The following KIAA1217 variants were observed in gnomAD, a reference collection of about 807,000 sequenced individuals.
KIAA1217 encodes KIAA1217, also known as sickle tail protein homolog.
KIAA1217 carries 88 observed loss-of-function variants against 163.9 expected under a neutral mutation model. That is an observed-to-expected ratio of 0.54 (90% CI 0.45 to 0.64). KIAA1217 has a LOEUF of 0.64. KIAA1217 is among the 30% of genes least tolerant of loss of function. The probability of loss-of-function intolerance (pLI) is 0.00; values close to 1 mark genes in which losing one functional copy is unlikely to be tolerated. For synonymous variants in KIAA1217, 903 were observed against 923.1 expected (o/e 0.98, Z 0.39); for missense variants, 2,372 against 2,475.0 (o/e 0.96, Z 0.88).
intron 2 of KIAA1217, among the ~76,000 whole-genome samples, chr10:24,256,046 C>CAAAAA (rs11358712): frequency 1.3e-5 from 1 of 79,102 alleles, no homozygotes; most frequent in Non-Finnish European, 2.3e-5. Context: ...CTCAGATGAC[C>CAAAAA]AAAAAAAAAA....
In KIAA1217 at chr10:23,831,357, G is replaced by T. The variant is rs112352623; in HGVS notation, c.-321+136123G>T. Among the ~76,000 whole-genome samples the T allele has an allele frequency of 5.2e-3, 788 of 151,878 alleles. 10 individuals carry two copies. The highest frequency in any genetic ancestry group is 0.017 in the African/African-American group (711 of 41,448). On this transcript the variant is annotated intron_variant, in intron 1 of 18. Transcript: ENST00000376462. ...AAGAGTAAAAAGATGGCCTATGGATGGGGAGAAAATATTGGCAAATGAACC... is the reference window on the plus strand; with the variant it reads ...AAGAGTAAAAAGATGGCCTATGGATTGGGAGAAAATATTGGCAAATGAACC...
intron 1 of KIAA1217, among the ~76,000 whole-genome samples, chr10:23,796,340 CTTATTTAT>C (rs34347212): frequency 1.3e-3 from 200 of 148,482 alleles, no homozygotes; most frequent in Non-Finnish European, 2.1e-3. Context: ...CGAGAGACTG[CTTATTTAT>C]TTATTTATTT....
chr10:24,058,493 T>C (rs961168505), intron 2 of KIAA1217, among the ~76,000 whole-genome samples: 1 of 152,196 alleles, frequency 6.6e-6, no homozygotes, highest in Admixed American at 6.5e-5. Context: ...GTATGAACAC[T>C]TTAACAATAT....
At chr10:24,061,627 C>A (rs2060725744) in intron 2 of KIAA1217, among the ~76,000 whole-genome samples, 1 of 152,176 alleles carries the variant, frequency 6.6e-6, no homozygotes, top group South Asian at 2.1e-4. Flanking sequence ...ATCTCTTCTA[C>A]ATTTTTGAAG....
chr10:24,221,548 C>T (rs189940945), intron 2 of KIAA1217, among the ~76,000 whole-genome samples: 22 of 152,306 alleles, frequency 1.4e-4, no homozygotes, highest in Non-Finnish European at 2.9e-4. Context: ...TATTCTCAAT[C>T]TCATATTCTT....
At chr10:24,441,378 G>A (rs1036065647) in intron 5 of KIAA1217, among the ~76,000 whole-genome samples, 14 of 152,082 alleles carry the variant, frequency 9.2e-5, no homozygotes, top group African/African-American at 3.1e-4. Flanking sequence ...CTCCTCAGGG[G>A]CTCCTGAGAC....
At chr10:23,915,794 T>C (rs1842614453) in intron 1 of KIAA1217, among the ~76,000 whole-genome samples, 1 of 152,208 alleles carries the variant, frequency 6.6e-6, no homozygotes, top group African/African-American at 2.4e-5. Context: ...GGAGGAAAGT[T>C]TGGGCAGAGA....
At chr10:23,963,270 C>T (rs965765622) in intron 1 of KIAA1217, among the ~76,000 whole-genome samples, 1 of 152,140 alleles carries the variant, frequency 6.6e-6, no homozygotes, top group African/African-American at 2.4e-5. Context: ...TCCCTTGTCC[C>T]CCACCCCTTG....
At position 24,533,290 on chromosome 10, in the gene KIAA1217, C is replaced by A. The variant is rs11598911; in HGVS notation, c.3414+53C>A. On this transcript the variant is annotated intron_variant, in intron 16 of 20. Coordinates refer to ENST00000376454, the MANE Select transcript of KIAA1217 (RefSeq NM_019590.5). Reference sequence around the variant, plus strand: ...CTCCTTGCCTCCCGCCTGGGTCTCTCCAGCCATGGCACTCACAGATTTGTT... The same window carrying A: ...CTCCTTGCCTCCCGCCTGGGTCTCTACAGCCATGGCACTCACAGATTTGTT... 6.5e-6 allele frequency: 10 copies of A among 1,532,528 alleles called. No individual in the cohort carries two copies. The South Asian group carries it at 1.3e-4, about 19-fold the overall frequency. 94.9% of individuals were successfully genotyped at this position (1,532,528 alleles called of 1,614,324 possible).
chr10:24,297,188 G>A (rs567835696), intron 2 of KIAA1217, among the ~76,000 whole-genome samples: 5 of 152,350 alleles, frequency 3.3e-5, no homozygotes, highest in Admixed American at 3.3e-4. Flanking sequence ...AATTTTGGGG[G>A]CTACTTTTGT....
chr10:23,921,637 G>C (rs1842850806), intron 1 of KIAA1217, among the ~76,000 whole-genome samples: 1 of 152,154 alleles, frequency 6.6e-6, no homozygotes, highest in Admixed American at 6.5e-5. Context: ...GGCTGAGCAT[G>C]TTATTCTTTC....
intron 2 of KIAA1217, among the ~76,000 whole-genome samples, chr10:24,057,642 T>G (rs1005894848): frequency 1.3e-5 from 2 of 152,232 alleles, no homozygotes; most frequent in African/African-American, 4.8e-5. Flanking sequence ...CCCTGATGAT[T>G]AGTGATGCTG....
At chr10:24,036,374 A>G (rs1848398675) in intron 2 of KIAA1217, among the ~76,000 whole-genome samples, 1 of 152,222 alleles carries the variant, frequency 6.6e-6, no homozygotes, top group African/African-American at 2.4e-5. Context: ...AGGGAGGCCC[A>G]GAAGTACAAT....
intron 1 of KIAA1217, among the ~76,000 whole-genome samples, chr10:23,997,550 A>G (rs917311165): frequency 3.9e-5 from 6 of 152,326 alleles, no homozygotes; most frequent in Middle Eastern, 3.4e-3. Flanking sequence ...AGGTAGCTAT[A>G]GGAAGACGCT....
chr10:24,046,901 C>A (rs181705989), intron 2 of KIAA1217, among the ~76,000 whole-genome samples: 2 of 152,340 alleles, frequency 1.3e-5, no homozygotes, highest in African/African-American at 2.4e-5. Context: ...GCAATTCACT[C>A]ATCAGATAAG....
At chr10:24,315,717 A>T (rs60017811) in intron 2 of KIAA1217, among the ~76,000 whole-genome samples, 1 of 151,814 alleles carries the variant, frequency 6.6e-6, no homozygotes, top group East Asian at 1.9e-4. Flanking sequence ...GTGCCACTGC[A>T]TGCTAGCCTA....
In KIAA1217 at chr10:24,332,251, T is replaced by C. The variant is rs185565820; in HGVS notation, c.355-48618T>C. On this transcript the variant is annotated intron_variant, in intron 2 of 20. Transcript: ENST00000376454. ...TTATAGCAGACTTTGGATTAAAATCTGTAGACACCCATGTCCTGCCTATCA... is the reference window on the plus strand; with the variant it reads ...TTATAGCAGACTTTGGATTAAAATCCGTAGACACCCATGTCCTGCCTATCA... 3.3e-5 allele frequency among the ~76,000 whole-genome samples: 5 copies of C among 152,370 alleles called. No homozygotes were observed. In the East Asian group the frequency reaches 9.6e-4, roughly 29 times the overall value.
intron 2 of KIAA1217, among the ~76,000 whole-genome samples, chr10:24,157,322 A>G (rs1251373709): frequency 6.6e-6 from 1 of 152,114 alleles, no homozygotes; most frequent in South Asian, 2.1e-4. Context: ...AATCCCTTGC[A>G]TACTTCTTTA....
chr10:24,479,206 C>A (rs1287443182), intron 6 of KIAA1217, among the ~76,000 whole-genome samples: 2 of 152,210 alleles, frequency 1.3e-5, no homozygotes, highest in Non-Finnish European at 2.9e-5. Context: ...TGCTGTTAAT[C>A]ATTTCACATC....
Sources: gnomAD v4.1 joint callset for allele counts (sites outside exome capture counted in the v4.1 genomes callset) on GRCh38, gnomAD v4.1.1 for gene constraint, MANE v1.5 for transcripts, NCBI Gene and HGNC (gene_info 2026-07-23, HGNC 2026-07-21) for gene names.